Variants in SLC47A2 observed in about 807,000 individuals in gnomAD.
SLC47A2 encodes multidrug and toxin extrusion protein 2.
Under a neutral mutation model 67.7 loss-of-function variants are expected in SLC47A2, and 52 were observed. The ratio of observed to expected loss-of-function variants is 0.77; its 90% CI spans 0.61 to 0.97. The LOEUF (loss-of-function observed/expected upper bound fraction) is 0.97, where lower values mean the gene tolerates loss of function less well. Ranked by LOEUF, SLC47A2 falls within the 50% of genes least tolerant of loss-of-function variation. The pLI is 0.00. For missense variants in SLC47A2, 676 were observed against 712.3 expected, an observed-to-expected ratio of 0.95 and a Z score of 0.58; for synonymous variants, 278 against 292.9, an observed-to-expected ratio of 0.95 and a Z score of 0.52.
At chr17:19,706,219 C>T (rs747128714) in intron 9 of SLC47A2, among the ~76,000 whole-genome samples, 2 of 152,218 alleles carry the variant, frequency 1.3e-5, no homozygotes, top group Non-Finnish European at 2.9e-5. Flanking sequence ...GGAGTCCTCA[C>T]TTCACCGAGT....
chr17:19,691,274 T>G (rs1398256388), intron 13 of SLC47A2, among the ~76,000 whole-genome samples: 1 of 152,072 alleles, frequency 6.6e-6, no homozygotes, highest in Non-Finnish European at 1.5e-5. Context: ...GAAAGGAAAT[T>G]AGTATAGCGA....
At chr17:19,681,514 TC>T (rs1567614098) in intron 14 of SLC47A2, 23 bp downstream of exon 14, 11 of 1,614,016 alleles carry the variant, frequency 6.8e-6, no homozygotes, top group Non-Finnish European at 6.8e-6. Context: ...CCCAGGCCTC[TC>T]CCGACTTCCT....
At chr17:19,707,193 AG>A (rs1338018674) in intron 8 of SLC47A2, among the ~76,000 whole-genome samples, 16 of 152,010 alleles carry the variant, frequency 1.1e-4, no homozygotes, top group African/African-American at 3.4e-4. Flanking sequence ...GGGCTCAGCC[AG>A]GGCCCTGCCC....
intron 16 of SLC47A2, among the ~76,000 whole-genome samples, chr17:19,679,460 G>C (rs2085265235): frequency 6.6e-6 from 1 of 152,184 alleles, no homozygotes; most frequent in Non-Finnish European, 1.5e-5. Context: ...TTGTCTGCCT[G>C]ATGGGGTGGA....
intron 13 of SLC47A2, among the ~76,000 whole-genome samples, chr17:19,687,365 C>T (rs924442814): frequency 8.6e-5 from 13 of 152,028 alleles, no homozygotes; most frequent in African/African-American, 3.1e-4. Flanking sequence ...CCTAATGATG[C>T]ATCTTAAAGA....
chr17:19,701,196 C>T (rs1304246844), intron 13 of SLC47A2, among the ~76,000 whole-genome samples: 1 of 151,298 alleles, frequency 6.6e-6, no homozygotes, highest in Non-Finnish European at 1.5e-5. Context: ...AAATAGTATC[C>T]TATGACAAAA....
intron 13 of SLC47A2, among the ~76,000 whole-genome samples, chr17:19,701,032 G>A (rs926056318): frequency 6.6e-6 from 1 of 151,704 alleles, no homozygotes; most frequent in Non-Finnish European, 1.5e-5. Flanking sequence ...GCCAGGCATG[G>A]GGGTGCATGC....
At chr17:19,705,080 C>A in intron 10 of SLC47A2, 2 of 347,118 alleles carry the variant, frequency 5.8e-6, no homozygotes, top group Non-Finnish European at 1.0e-5. Flanking sequence ...CCTCAGCCTC[C>A]CAAAGTACTG....
At chr17:19,712,635 G>C (rs924962356) in intron 5 of SLC47A2, 68 bp downstream of exon 5, 1 of 1,521,872 alleles carries the variant, frequency 6.6e-7, no homozygotes, top group African/African-American at 1.4e-5. Context: ...GCAGCAGATA[G>C]AGTGGGAAAG....
At chr17:19,714,648 C>A in intron 3 of SLC47A2, 73 bp downstream of exon 3, 3 of 1,575,302 alleles carry the variant, frequency 1.9e-6, no homozygotes, top group Non-Finnish European at 2.6e-6. Flanking sequence ...CTCCCACCTG[C>A]CATCTCCATG....
chr17:19,716,969 A>G (rs533599657), upstream of SLC47A2: 2 of 166,662 alleles, frequency 1.2e-5, no homozygotes, highest in African/African-American at 2.4e-5. Flanking sequence ...TGGTGCCCAC[A>G]GTGACTCCCG....
intron 1 of SLC47A2, 54 bp from the exon 2 acceptor site, chr17:19,715,271 G>A (rs1321370237): frequency 1.3e-6 from 2 of 1,528,838 alleles, no homozygotes; most frequent in Non-Finnish European, 1.8e-6. Context: ...ACACAGCCGA[G>A]CCCTGCAAGA....
At chr17:19,714,108 C>T in intron 3 of SLC47A2, 135 bp from the exon 4 acceptor site, 1 of 1,232,126 alleles carries the variant, frequency 8.1e-7, no homozygotes, top group Non-Finnish European at 1.1e-6. Context: ...CAGCCTGGCG[C>T]CCGCAGCCTG....
intron 4 of SLC47A2, 108 bp downstream of exon 4, chr17:19,713,717 T>C (rs751416330): frequency 5.4e-6 from 8 of 1,473,134 alleles, no homozygotes; most frequent in Non-Finnish European, 7.3e-6. Flanking sequence ...CTGTGAGCAC[T>C]CGTGGCCTAG....
At chr17:19,681,319 G>C in intron 15 of SLC47A2, 48 bp downstream of exon 15, 1 of 1,460,622 alleles carries the variant, frequency 6.8e-7, no homozygotes, top group Non-Finnish European at 9.3e-7. Flanking sequence ...CCACCTGCTG[G>C]GGTCAGGTGC....
chr17:19,712,813 G>C, intron 4 of SLC47A2, 68 bp from the exon 5 acceptor site: 1 of 1,494,588 alleles, frequency 6.7e-7, no homozygotes, highest in African/African-American at 1.4e-5. Context: ...CCTCTCCCCT[G>C]TGTCCTCCAG....
chr17:19,714,977 A>G, intron 2 of SLC47A2, 139 bp downstream of exon 2: 1 of 1,252,006 alleles, frequency 8.0e-7, no homozygotes, highest in South Asian at 1.2e-5. Flanking sequence ...CTCAGGTTCC[A>G]CCTGTGAAGG....
In SLC47A2 at chr17:19,713,696, GGCACCGT is replaced by G; in HGVS notation, c.443+122_443+128del. 3 of 1,299,312 alleles carry G rather than the reference GGCACCGT, an allele frequency of 2.3e-6. No individual in the cohort carries two copies. The South Asian group carries it at 4.8e-5, about 21-fold the overall frequency. 80.5% of individuals were successfully genotyped at this position (1,299,312 alleles called of 1,614,324 possible). A position where few individuals can be genotyped will look rare whatever the true frequency, so the allele number is the denominator to read the frequency against. ...AACCAAAGCCTGGAAGGTACCCACA[GGCACCGT>G]GCACTGTGAGCACTCGTGGCCTAGA... On this transcript the variant is annotated intron_variant, in intron 4 of 16. Coordinates refer to ENST00000433844, the MANE Select transcript of SLC47A2 (RefSeq NM_001099646.3).
At position 19,705,433 on chromosome 17, in the gene SLC47A2, T is replaced by TA. The variant is rs1405577695; in HGVS notation, c.909+2dup. 2 of 1,610,618 alleles carry TA rather than the reference T, an allele frequency of 1.2e-6. No homozygotes were observed. The highest frequency in any genetic ancestry group is 2.7e-5 in the African/African-American group (2 of 74,758). On this transcript the variant is annotated splice_region_variant and intron_variant, in intron 10 of 16. Coordinates refer to ENST00000433844, the MANE Select transcript of SLC47A2 (RefSeq NM_001099646.3). Reference sequence around the variant, plus strand: ...GGGGAAGGCACCCCTGCAGGAGCCTTACCATGTAGGTCACAGTGGCCACCT... The same window carrying TA: ...GGGGAAGGCACCCCTGCAGGAGCCTTAACCATGTAGGTCACAGTGGCCACCT...
Sources: allele counts gnomAD v4.1 joint callset (sites outside exome capture counted in the v4.1 genomes callset), GRCh38; gene constraint gnomAD v4.1.1; transcripts MANE v1.5; gene names NCBI Gene and HGNC (gene_info 2026-07-23, HGNC 2026-07-21).